Variants in LRP4 observed in about 807,000 individuals in gnomAD.
The protein encoded by LRP4 is low-density lipoprotein receptor-related protein 4.
LRP4 carries 95 observed loss-of-function variants against 220.3 expected under a neutral mutation model. That is an observed-to-expected ratio of 0.43 (90% CI 0.37 to 0.51). The LOEUF is 0.51. Ranked by LOEUF, LRP4 falls within the 20% of genes least tolerant of loss-of-function variation. The pLI is 0.00. For missense variants in LRP4, 1,925 were observed against 2,567.0 expected, an observed-to-expected ratio of 0.75 and a Z score of 5.40; for synonymous variants, 903 against 954.6, an observed-to-expected ratio of 0.95 and a Z score of 1.00.
chr11:46,875,536 G>T lies in LRP4; in HGVS notation c.3845C>A (p.Thr1282Asn). The T allele has an allele frequency of 6.2e-7, 1 of 1,614,160 alleles. No homozygotes were observed. The highest frequency in any genetic ancestry group is 8.5e-7 in the Non-Finnish European group (1 of 1,180,016). Residue 1282 changes from threonine to asparagine, a missense_variant, in exon 27 of 38, where the codon ACT becomes AAT. Thr to Asn is a moderately conservative substitution (Grantham distance 65). Transcript: ENST00000378623. The surrounding 1 kb of genome is among the most constrained non-coding windows in gnomAD (Gnocchi z 4.5). ...CCTCACGAGGATGACATTGCTGCCA[G>T]TACCCTTGTCAGCACGGTGGATGCT... ...TRSIHRADKG[T>N]GSNVILVRSN...
In LRP4 at chr11:46,873,869, C is replaced by T; in HGVS notation, c.4230-276G>A. 2.1e-6 allele frequency: 1 copy of T among 486,112 alleles called. No homozygotes were observed. 30.1% of individuals were successfully genotyped at this position (486,112 alleles called of 1,614,324 possible). ...ATGTCTTGCTAGAAGACAAGTTTAT[C>T]ATTCCCCACATACCTTTGGGAAGAG... On this transcript the variant is annotated intron_variant, in intron 28 of 37. Transcript: ENST00000378623. The surrounding 1 kb of genome is among the most constrained non-coding windows in gnomAD (Gnocchi z 4.2).
Position 46,868,091 on chromosome 11 carries a change from G to T in LRP4, c.4975C>A (p.Pro1659Thr). The T allele has an allele frequency of 6.2e-7, 1 of 1,614,140 alleles. No homozygotes were observed. The highest frequency in any genetic ancestry group is 8.5e-7 in the Non-Finnish European group (1 of 1,180,030). The change falls in exon 34 of 38, where the codon CCT (proline) becomes ACT (threonine). Residue 1659 changes from proline (P) to threonine (T), a missense_variant. Around this residue, in one of 3 missense-constraint regions of LRP4, gnomAD observed 1,244 missense variants for 1,624.9 expected, o/e 0.77. Transcript: ENST00000378623. ...TTTTCACTCATGCCAGTAGCCCTAG[G>T]AGCTGGTGGTACCAGGCCAGGCACT... is the stretch of plus-strand genomic sequence containing the variant. The part of the protein sequence containing the change: ...SLVPGLVPPA[P>T]RATGMSEKSP...
chr11:46,886,438 C>T lies in LRP4; in HGVS notation c.2311G>A (p.Asp771Asn). ...TCAAGGGCCACAGCACTGCGCACGT[C>T]AGCCAGTGGGATGACATCATCAGAC... is the stretch of plus-strand genomic sequence containing the variant. ...DLSDDVIPLA[D>N]VRSAVALDWD... is the part of the protein sequence containing the mutation. The change falls in exon 17 of 38, where the codon GAC becomes AAC. Residue 771 changes from aspartate to asparagine, a missense_variant. By Grantham distance (23) the Asp-to-Asn change is conservative (BLOSUM62 1). Coordinates refer to ENST00000378623, the MANE Select transcript of LRP4 (RefSeq NM_002334.4). The T allele has an allele frequency of 6.2e-7, 1 of 1,614,086 alleles. No homozygotes were observed. Among genetic ancestry groups the T allele is most frequent in the Non-Finnish European group, 8.5e-7 (1 of 1,180,010 alleles).
intron 8 of LRP4, 33 bp from the exon 9 acceptor site, chr11:46,896,368 C>A: frequency 6.2e-7 from 1 of 1,610,440 alleles, no homozygotes; most frequent in Non-Finnish European, 8.5e-7. Flanking sequence ...CATAGCAAGG[C>A]AGGGCTTGGG....
rs1941453716 is a variant in LRP4, at chr11:46,892,970, T to C, written c.1697+3A>G. ...AAGTTCGGGAGCCTGAGATACAACT[T>C]ACCCCTCCATGGGATGCAAGGCAAT... On this transcript the variant is annotated splice_donor_region_variant and intron_variant, in intron 13 of 37. Coordinates refer to ENST00000378623, the MANE Select transcript of LRP4 (RefSeq NM_002334.4). 1 of 1,612,810 alleles carries C rather than the reference T, an allele frequency of 6.2e-7. No individual in the cohort carries two copies. Among genetic ancestry groups the C allele is most frequent in the Non-Finnish European group, 8.5e-7 (1 of 1,179,890 alleles).
At chr11:46,861,009 A>G (rs1940531101) in intron 37 of LRP4, 1 of 966,248 alleles carries the variant, frequency 1.0e-6, no homozygotes, top group African/African-American at 1.8e-5. Flanking sequence ...GAAACACACA[A>G]CAGAAGAAAG....
rs1357687065 is a variant in LRP4, at chr11:46,873,831, C to T, written c.4230-238G>A. 5 of 507,008 alleles carry T rather than the reference C, an allele frequency of 9.9e-6. No homozygotes were observed. Among genetic ancestry groups the T allele is most frequent in the Non-Finnish European group, 1.7e-5 (5 of 288,680 alleles). The allele number at this position is 507,008 out of a possible 1,614,324, so 31.4% of individuals were successfully genotyped here. On this transcript the variant is annotated intron_variant, in intron 28 of 37. Transcript: ENST00000378623. This position sits in a 1 kb window ranked among gnomAD's most constrained non-coding sequence, Gnocchi z 4.2. ...ATTTCCTGCTAACTGGACATAGTGG[C>T]GGTTGCCAGGGGATGTCTTGCTAGA...
At chr11:46,880,728 T>C (rs1382804024) in intron 20 of LRP4, among the ~76,000 whole-genome samples, 3 of 152,004 alleles carry the variant, frequency 2.0e-5, no homozygotes, top group Admixed American at 6.6e-5. Flanking sequence ...GGAGGAGCTA[T>C]AAAGGACATC....
rs375880498 is a variant in LRP4, at chr11:46,889,545, G to GC, written c.2093-13dup. 1,674 of 1,613,260 alleles carry GC rather than the reference G, an allele frequency of 1.0e-3. 22 individuals are homozygous for GC. The African/African-American group carries it at 0.02, about 19-fold the overall frequency. ...ACAGCGGTTTTTCCCTGCTCAAAGAGCCCAGGGCAAGAGGATCAGCGAAGG... is the reference window on the plus strand; with the variant it reads ...ACAGCGGTTTTTCCCTGCTCAAAGAGCCCCAGGGCAAGAGGATCAGCGAAGG... On this transcript the variant is annotated splice_polypyrimidine_tract_variant and intron_variant, in intron 15 of 37. Coordinates refer to ENST00000378623, the MANE Select transcript of LRP4 (RefSeq NM_002334.4).
At chr11:46,895,810 A>G in intron 10 of LRP4, 74 bp downstream of exon 10, 4 of 1,595,564 alleles carry the variant, frequency 2.5e-6, no homozygotes, top group South Asian at 1.1e-5. Flanking sequence ...TGCCTGACCC[A>G]TAGGAAACAC....
Position 46,899,017 on chromosome 11 carries a change from G to A in LRP4, c.563C>T (p.Ala188Val), listed in dbSNP as rs772245536. ...GAACTCCTCCAGGTTGCAGGGGGGC[G>A]CTGGCACTGCTGAGGCTGGAGGGAA... ...DEENCPSAVP[A>V]PPCNLEEFQC... The change falls in exon 6 of 38, where the codon GCG becomes GTG. Residue 188 changes from alanine (A) to valine (V), a missense_variant. Around this residue, in one of 3 missense-constraint regions of LRP4, gnomAD observed 412 missense variants for 505.4 expected, o/e 0.82. Transcript: ENST00000378623. This position sits in a 1 kb window ranked among gnomAD's most constrained non-coding sequence, Gnocchi z 5.9. 2.5e-5 allele frequency: 41 copies of A among 1,612,634 alleles called. No individual in the cohort carries two copies. The highest frequency in any genetic ancestry group is 5.0e-5 in the Admixed American group (3 of 59,960).
At chr11:46,893,195 G>A in intron 12 of LRP4, 66 bp from the exon 13 acceptor site, 1 of 1,591,820 alleles carries the variant, frequency 6.3e-7, no homozygotes, top group African/African-American at 1.3e-5. Context: ...CATAGTAATA[G>A]GAGCAAACTC....
Position 46,876,763 on chromosome 11 carries a change from A to G in LRP4, c.3345T>C (p.His1115=). The change falls in exon 24 of 38, where the codon CAT becomes CAC. Residue 1115 remains histidine, a synonymous_variant. Transcript: ENST00000378623. ...GCCCACCTGTGGTGATGATGTCCTC[A>G]TGCTGTGAGCCATCCAGATTGGCAC... ...ISRANLDGSQ[H]EDIITTGLQT... 2 of 1,614,154 alleles carry G rather than the reference A, an allele frequency of 1.2e-6. No homozygotes were observed. Among genetic ancestry groups the G allele is most frequent in the South Asian group, 1.1e-5 (1 of 91,082 alleles).
intron 1 of LRP4, among the ~76,000 whole-genome samples, chr11:46,912,613 A>G (rs556950390): frequency 6.6e-6 from 1 of 152,326 alleles, no homozygotes; most frequent in South Asian, 2.1e-4. Context: ...GTCCTCATCC[A>G]TGCCAGCGCG....
intron 30 of LRP4, among the ~76,000 whole-genome samples, chr11:46,872,700 C>T (rs751595245): frequency 6.0e-5 from 9 of 150,464 alleles, no homozygotes; most frequent in South Asian, 2.1e-4. Context: ...GCTGTGACTG[C>T]GCCACTGCAC....
At chr11:46,884,605 C>T (rs1026250156) in intron 18 of LRP4, among the ~76,000 whole-genome samples, 13 of 151,922 alleles carry the variant, frequency 8.6e-5, no homozygotes, top group Non-Finnish European at 1.8e-4. Flanking sequence ...GGCGTCGTGG[C>T]GGGCACCTGT....
intron 16 of LRP4, among the ~76,000 whole-genome samples, chr11:46,888,548 C>CAAAAAAAAAAAAAAAAAAAAA (rs71042635): frequency 6.4e-5 from 2 of 31,304 alleles, no homozygotes; most frequent in African/African-American, 7.3e-5. Flanking sequence ...AAAACTGTCT[C>CAAAAAAAAAAAAAAAAAAAAA]AAAAAAAAAA....
chr11:46,870,227 C>A (rs1017191773), intron 31 of LRP4, among the ~76,000 whole-genome samples: 1 of 152,082 alleles, frequency 6.6e-6, no homozygotes, highest in Non-Finnish European at 1.5e-5. Context: ...TGAGATCACA[C>A]CACCGCACTC....
rs1175827535 is a variant in LRP4 at position 46,888,094 on chromosome 11, C to T, written c.2215+1317G>A. Among the ~76,000 whole-genome samples, 9 of 142,092 alleles carry T rather than the reference C, an allele frequency of 6.3e-5. No individual in the cohort carries two copies. In the South Asian group the frequency reaches 1.1e-3, roughly 17 times the overall value. The allele number at this position is 142,092 out of a possible 152,430, so 93.2% of individuals were successfully genotyped here. On this transcript the variant is annotated intron_variant, in intron 16 of 37. Coordinates refer to ENST00000378623, the MANE Select transcript of LRP4 (RefSeq NM_002334.4). The stretch of plus-strand genomic sequence containing the variant: ...ATCCCAACACTTTGGAAGGCAGAGG[C>T]GGGCAGGTCATGAGGTCAGGAGTTC...
Sources: allele counts gnomAD v4.1 joint callset (sites outside exome capture counted in the v4.1 genomes callset), GRCh38; gene constraint gnomAD v4.1.1; regional missense constraint gnomAD v4.1.1; non-coding constraint Gnocchi (gnomAD v3.1); transcripts MANE v1.5; gene names NCBI Gene and HGNC (gene_info 2026-07-23, HGNC 2026-07-21).